Variants in GRID2 observed in about 807,000 individuals in gnomAD.
GRID2 encodes the protein glutamate receptor ionotropic, delta-2.
GRID2 carries 33 observed loss-of-function variants against 114.8 expected under a neutral mutation model. The observed-to-expected ratio is 0.29, with a 90% confidence interval of 0.22 to 0.38. The LOEUF (loss-of-function observed/expected upper bound fraction) is 0.38. Ranked by LOEUF, GRID2 falls within the 10% of genes least tolerant of loss-of-function variation. The pLI, the probability that GRID2 is intolerant of heterozygous loss-of-function variation, is 1.00. For synonymous variants in GRID2, 505 were observed against 449.9 expected (o/e 1.12, Z -1.55); for missense variants, 1,184 against 1,257.7 (o/e 0.94, Z 0.89).
intron 14 of GRID2, among the ~76,000 whole-genome samples, chr4:93,751,412 G>A (rs772623046): frequency 7.2e-5 from 11 of 151,874 alleles, no homozygotes; most frequent in Non-Finnish European, 1.3e-4. Flanking sequence ...TTCTTGGTGA[G>A]TGAACTCTTT....
intron 4 of GRID2, among the ~76,000 whole-genome samples, chr4:93,162,512 T>TATC (rs1437021352): frequency 6.6e-6 from 1 of 151,948 alleles, no homozygotes; most frequent in African/African-American, 2.4e-5. Flanking sequence ...GTTTTCTTTA[T>TATC]ATCAGTGTGT....
intron 1 of GRID2, among the ~76,000 whole-genome samples, chr4:92,442,470 C>T (rs946217595): frequency 7.2e-5 from 11 of 152,070 alleles, no homozygotes; most frequent in East Asian, 1.9e-4. Flanking sequence ...CTGGCCGCTG[C>T]GGTTCAGGCG....
chr4:93,336,372 A>C (rs547856269), intron 8 of GRID2, among the ~76,000 whole-genome samples: 1 of 152,152 alleles, frequency 6.6e-6, no homozygotes, highest in Admixed American at 6.5e-5. Flanking sequence ...TATTTCAGTC[A>C]TGTTTACTGC....
chr4:92,423,495 A>G (rs1234768667), intron 1 of GRID2, among the ~76,000 whole-genome samples: 1 of 152,158 alleles, frequency 6.6e-6, no homozygotes, highest in Admixed American at 6.6e-5. Context: ...GGGACACGAT[A>G]CTAGAAAATC....
At position 93,596,354 on chromosome 4, in the gene GRID2, C is replaced by T. The variant is rs899826225; in HGVS notation, c.2194-29915C>T. On this transcript the variant is annotated intron_variant, in intron 13 of 15. Transcript: ENST00000282020. ...CAGCACTTTGGGAGGCCGAGGAGGG[C>T]GATCACGAGGTCAGAAGATCAAAAC... Among the ~76,000 whole-genome samples the T allele has an allele frequency of 5.3e-5, 8 of 151,964 alleles. No homozygotes were observed. In the South Asian group the frequency reaches 6.2e-4, roughly 12 times the overall value.
At chr4:93,593,726 C>T (rs984664891) in intron 13 of GRID2, among the ~76,000 whole-genome samples, 1 of 152,058 alleles carries the variant, frequency 6.6e-6, no homozygotes, top group Non-Finnish European at 1.5e-5. Flanking sequence ...TCACATAGTC[C>T]CATATTTCCT....
At chr4:92,361,839 A>G (rs1675289902) in intron 1 of GRID2, among the ~76,000 whole-genome samples, 1 of 152,000 alleles carries the variant, frequency 6.6e-6, no homozygotes, top group African/African-American at 2.4e-5. Flanking sequence ...GTAATGTGGT[A>G]TACTGAGCAT....
At chr4:92,399,835 ACT>A (rs1730701365) in intron 1 of GRID2, among the ~76,000 whole-genome samples, 1 of 152,082 alleles carries the variant, frequency 6.6e-6, no homozygotes, top group Non-Finnish European at 1.5e-5. Context: ...GTGGAAACAA[ACT>A]CAATGAATAA....
At chr4:92,604,342 G>T (rs970916494) in intron 2 of GRID2, among the ~76,000 whole-genome samples, 5 of 152,110 alleles carry the variant, frequency 3.3e-5, no homozygotes, top group Non-Finnish European at 5.9e-5. Context: ...TATACATGAT[G>T]GAATACTATG....
At chr4:92,930,560 T>A (rs1217538304) in intron 2 of GRID2, among the ~76,000 whole-genome samples, 1 of 150,010 alleles carries the variant, frequency 6.7e-6, no homozygotes, top group Admixed American at 6.7e-5. Context: ...AGATTCTTTA[T>A]CTTGTTACAC....
intron 2 of GRID2, among the ~76,000 whole-genome samples, chr4:92,640,980 TAATAGG>T (rs1413959148): frequency 6.6e-6 from 1 of 151,596 alleles, no homozygotes; most frequent in African/African-American, 2.4e-5. Flanking sequence ...GTGCATCTAG[TAATAGG>T]AAGAAAAGAA....
intron 2 of GRID2, among the ~76,000 whole-genome samples, chr4:92,630,628 T>A (rs1418601080): frequency 2.6e-5 from 4 of 152,132 alleles, no homozygotes; most frequent in Admixed American, 6.5e-5. Context: ...GCTCGCTAAA[T>A]CCTAAACATC....
intron 1 of GRID2, among the ~76,000 whole-genome samples, chr4:92,424,194 G>C (rs887766167): frequency 4.6e-5 from 7 of 151,978 alleles, no homozygotes; most frequent in Non-Finnish European, 7.4e-5. Context: ...ATTTATTTCA[G>C]GTAATCTTCC....
chr4:93,760,236 A>G (rs1252379914), intron 14 of GRID2, among the ~76,000 whole-genome samples: 2 of 152,202 alleles, frequency 1.3e-5, no homozygotes, highest in Non-Finnish European at 2.9e-5. Flanking sequence ...AAACTGCAGC[A>G]TCATGCATGT....
intron 4 of GRID2, among the ~76,000 whole-genome samples, chr4:93,159,677 A>AT (rs1043542635): frequency 6.9e-6 from 1 of 143,912 alleles, no homozygotes; most frequent in Admixed American, 7.2e-5. Flanking sequence ...ACAGATAAGA[A>AT]TTTTTTTCCA....
At chr4:93,409,629 G>C (rs1350181860) in intron 9 of GRID2, among the ~76,000 whole-genome samples, 1 of 152,062 alleles carries the variant, frequency 6.6e-6, no homozygotes, top group Non-Finnish European at 1.5e-5. Flanking sequence ...ATTTTGACAC[G>C]ACCATGTCAA....
intron 9 of GRID2, among the ~76,000 whole-genome samples, chr4:93,399,437 C>T (rs922814438): frequency 6.6e-6 from 1 of 151,858 alleles, no homozygotes; most frequent in African/African-American, 2.4e-5. Flanking sequence ...GTTTGTGATC[C>T]CATGGGCAAA....
Position 93,650,015 on chromosome 4 carries a change from G to GC in GRID2, c.2360+23586dup, listed in dbSNP as rs1722446557. 3.3e-5 allele frequency among the ~76,000 whole-genome samples: 5 copies of GC among 152,058 alleles called. No homozygotes were observed. The South Asian group carries it at 8.3e-4, about 25-fold the overall frequency. On this transcript the variant is annotated intron_variant, in intron 14 of 15. Transcript: ENST00000282020. ...TCCCCACCACCACCTCCCTGACCCAGCCCCCCATCTGCATTCCAAGGCACT... is the reference window on the plus strand; with the variant it reads ...TCCCCACCACCACCTCCCTGACCCAGCCCCCCCATCTGCATTCCAAGGCACT...
chr4:93,001,637 T>C (rs1720996211), intron 2 of GRID2, among the ~76,000 whole-genome samples: 1 of 151,778 alleles, frequency 6.6e-6, no homozygotes. Context: ...ATAGTATTTG[T>C]ATTGAAACAT....
Sources: gnomAD v4.1 joint callset for allele counts (sites outside exome capture counted in the v4.1 genomes callset) on GRCh38, gnomAD v4.1.1 for gene constraint, MANE v1.5 for transcripts, NCBI Gene and HGNC (gene_info 2026-07-23, HGNC 2026-07-21) for gene names.